Variants in POGLUT1 observed in about 807,000 individuals in gnomAD.
POGLUT1 encodes the protein protein O-glucosyltransferase 1.
Under a neutral mutation model 61.3 loss-of-function variants are expected in POGLUT1, and 32 were observed. The observed-to-expected ratio is 0.52, with a 90% CI of 0.39 to 0.70. The LOEUF is 0.70. Ranked by LOEUF, POGLUT1 falls within the 30% of genes least tolerant of loss-of-function variation. The pLI is 0.00. For synonymous variants in POGLUT1, 158 were observed against 158.2 expected, an observed-to-expected ratio of 1.00 and a Z score of 0.01; for missense variants, 411 against 469.8, an observed-to-expected ratio of 0.87 and a Z score of 1.16.
intron 2 of POGLUT1, among the ~76,000 whole-genome samples, chr3:119,471,085 G>GGAA (rs1359674457): frequency 6.6e-6 from 1 of 152,202 alleles, no homozygotes; most frequent in Non-Finnish European, 1.5e-5. Context: ...GATGGAAGGA[G>GGAA]GAAGAAGAGA....
rs1560033647 is a variant in POGLUT1, at chr3:119,478,901, AAAAG to A, written c.457-1149_457-1146del. Among the ~76,000 whole-genome samples, 7 of 137,258 alleles carry A rather than the reference AAAAG, an allele frequency of 5.1e-5. No homozygotes were observed. In the East Asian group the frequency reaches 7.1e-4, roughly 14 times the overall value. The allele number at this position is 137,258 out of a possible 152,430, so 90.0% of individuals were successfully genotyped here. On this transcript the variant is annotated intron_variant, in intron 4 of 10. Transcript: ENST00000295588. ...AGGCAGGTGGATCAAAAAAAAAAAA[AAAAG>A]GGGGGAACATATGGCTTTAAACTTT...
chr3:119,475,067 G>A (rs902453671), intron 3 of POGLUT1, among the ~76,000 whole-genome samples: 1 of 151,876 alleles, frequency 6.6e-6, no homozygotes, highest in Non-Finnish European at 1.5e-5. Flanking sequence ...TCAGTGAAAA[G>A]GAAGTTTCTC....
At chr3:119,482,508 T>C (rs1307128865) in intron 5 of POGLUT1, among the ~76,000 whole-genome samples, 1 of 152,208 alleles carries the variant, frequency 6.6e-6, no homozygotes, top group East Asian at 1.9e-4. Flanking sequence ...AATACCATTT[T>C]CCCCCAGGTA....
chr3:119,486,041 A>G (rs1232709127), intron 6 of POGLUT1, among the ~76,000 whole-genome samples: 1 of 152,206 alleles, frequency 6.6e-6, no homozygotes, highest in Non-Finnish European at 1.5e-5. Flanking sequence ...AGTCCTTGCC[A>G]GAGATTATAC....
chr3:119,477,266 G>A, intron 3 of POGLUT1, 47 bp from the exon 4 acceptor site: 1 of 1,600,538 alleles, frequency 6.2e-7, no homozygotes, highest in Non-Finnish European at 8.6e-7. Context: ...TTGTCCTAGA[G>A]CCTGCAGGCA....
At chr3:119,478,682 G>A (rs1245715218) in intron 4 of POGLUT1, among the ~76,000 whole-genome samples, 1 of 152,082 alleles carries the variant, frequency 6.6e-6, no homozygotes. Context: ...TGTTTAAGGT[G>A]CTTGATGAAT....
chr3:119,485,852 G>A (rs1560037302), intron 6 of POGLUT1, among the ~76,000 whole-genome samples: 1 of 152,196 alleles, frequency 6.6e-6, no homozygotes, highest in Admixed American at 6.5e-5. Flanking sequence ...ATGAAGAAGG[G>A]AGCAGGGAGG....
intron 4 of POGLUT1, chr3:119,478,553 C>T: frequency 2.7e-6 from 1 of 368,476 alleles, no homozygotes; most frequent in Non-Finnish European, 5.4e-6. Flanking sequence ...GGTATACTAA[C>T]TTTCCGTTCA....
rs2107722017 is a variant in POGLUT1 at position 119,494,376 on chromosome 3, A to G, written c.*1938A>G. On this transcript the variant is annotated 3_prime_UTR_variant, in exon 11 of 11. Transcript: ENST00000295588. ...ATTACTGGCTCCAAAGGATGAGTAG[A>G]TAAGACCATAAGAATTGGATCAATG... 1 of 152,776 alleles carries G rather than the reference A, an allele frequency of 6.5e-6. No homozygotes were observed. Among genetic ancestry groups the G allele is most frequent in the South Asian group, 2.1e-4 (1 of 4,830 alleles). The allele number at this position is 152,776 out of a possible 1,614,324, so 9.5% of individuals were successfully genotyped here. A position where few individuals can be genotyped will look rare whatever the true frequency, so the allele number is the denominator to read the frequency against.
chr3:119,483,074 A>T (rs140628891), intron 5 of POGLUT1, among the ~76,000 whole-genome samples: 752 of 152,332 alleles, frequency 4.9e-3, no homozygotes, highest in Non-Finnish European at 8.1e-3. Context: ...AGTAACTTTG[A>T]GTATAAATTG....
At chr3:119,482,368 T>G (rs1040663811) in intron 5 of POGLUT1, among the ~76,000 whole-genome samples, 1 of 151,844 alleles carries the variant, frequency 6.6e-6, no homozygotes, top group South Asian at 2.1e-4. Flanking sequence ...TGTCAGTACA[T>G]ATGAAAGAGT....
intron 3 of POGLUT1, among the ~76,000 whole-genome samples, chr3:119,475,567 C>G (rs1258564042): frequency 1.3e-5 from 2 of 152,158 alleles, no homozygotes; most frequent in African/African-American, 4.8e-5. Flanking sequence ...TATCCCAGCA[C>G]TTTGGATGGC....
chr3:119,492,500 A>G lies in POGLUT1; in HGVS notation c.*62A>G. 8.6e-7 allele frequency: 1 copy of G among 1,163,912 alleles called. No individual in the cohort carries two copies. 72.1% of individuals were successfully genotyped at this position (1,163,912 alleles called of 1,614,324 possible). On this transcript the variant is annotated 3_prime_UTR_variant, in exon 11 of 11. Coordinates refer to ENST00000295588, the MANE Select transcript of POGLUT1 (RefSeq NM_152305.3). ...AGATCTCAGATATCCTACGGTGAGA[A>G]GCTTACCATAAGCTTGGCACCTATA...
At position 119,486,918 on chromosome 3, in the gene POGLUT1, T is replaced by C. The variant is rs769677500; in HGVS notation, c.724T>C (p.Trp242Arg). 3.7e-6 allele frequency: 6 copies of C among 1,608,640 alleles called. No individual in the cohort carries two copies. Among genetic ancestry groups the C allele is most frequent in the Middle Eastern group, 3.3e-4 (2 of 6,048 alleles). ...VDAEYTKNQA[W>R]KSMKDTLGKP... ...TGCAGAATACACCAAAAACCAGGCC[T>C]GGAAATCTATGAAAGTAATCACCAG... The change falls in exon 7 of 11, where the codon TGG becomes CGG. Residue 242 changes from tryptophan to arginine, a missense_variant. Trp to Arg is a moderately radical substitution (Grantham distance 101, BLOSUM62 -3). Coordinates refer to ENST00000295588, the MANE Select transcript of POGLUT1 (RefSeq NM_152305.3).
In POGLUT1 at chr3:119,493,803, A is replaced by ATTTTTTTTTTTTTTTTTTTTTTTT. The variant is rs58233822; in HGVS notation, c.*1386_*1387insTTTTTTTTTTTTTTTTTTTTTTTT. On this transcript the variant is annotated 3_prime_UTR_variant, in exon 11 of 11. Coordinates refer to ENST00000295588, the MANE Select transcript of POGLUT1 (RefSeq NM_152305.3). ...GGAATAAGCAGATGTTTAAAGTTGG[A>ATTTTTTTTTTTTTTTTTTTTTTTT]TTTTTTTTTTTTTTTTTTTTTGAGT... is the stretch of plus-strand genomic sequence containing the variant. The ATTTTTTTTTTTTTTTTTTTTTTTT allele has an allele frequency of 8.3e-6, 1 of 119,912 alleles. No individual in the cohort carries two copies. The highest frequency in any genetic ancestry group is 3.4e-5 in the African/African-American group (1 of 29,260). The allele number at this position is 119,912 out of a possible 1,614,324, so 7.4% of individuals were successfully genotyped here. A position where few individuals can be genotyped will look rare whatever the true frequency, so the allele number is the denominator to read the frequency against.
chr3:119,487,174 T>G (rs930210730), intron 7 of POGLUT1: 3 of 495,976 alleles, frequency 6.0e-6, no homozygotes, highest in Admixed American at 6.5e-5. Flanking sequence ...GGTCACAAAC[T>G]TTTTCCAGGA....
chr3:119,479,826 C>T (rs1481635053), intron 4 of POGLUT1: 2 of 1,097,188 alleles, frequency 1.8e-6, no homozygotes, highest in South Asian at 1.4e-5. Flanking sequence ...AAAAGCTGAC[C>T]TTTAATGTGA....
chr3:119,492,175 A>G (rs2081757316), intron 10 of POGLUT1, 107 bp from the exon 11 acceptor site: 2 of 731,366 alleles, frequency 2.7e-6, no homozygotes, highest in Admixed American at 2.9e-5. Context: ...GAATTAATTT[A>G]TATAAAATGC....
intron 5 of POGLUT1, among the ~76,000 whole-genome samples, chr3:119,484,723 T>C (rs1188667657): frequency 6.6e-6 from 1 of 152,192 alleles, no homozygotes; most frequent in Non-Finnish European, 1.5e-5. Context: ...GAAATCCACA[T>C]TTGCCAAATT....
Sources: gnomAD v4.1 joint callset for allele counts (sites outside exome capture counted in the v4.1 genomes callset) on GRCh38, gnomAD v4.1.1 for gene constraint, MANE v1.5 for transcripts, NCBI Gene and HGNC (gene_info 2026-07-23, HGNC 2026-07-21) for gene names.